KCNIP4: variants seen among roughly 807,000 people sequenced by gnomAD.
The protein encoded by KCNIP4 is Kv channel-interacting protein 4.
KCNIP4 carries 12 observed loss-of-function variants against 34.0 expected under a neutral mutation model. The ratio of observed to expected loss-of-function variants is 0.35; its 90% CI spans 0.23 to 0.57. KCNIP4 has a LOEUF of 0.57. Ranked by LOEUF, KCNIP4 falls within the 20% of genes least tolerant of loss-of-function variation. KCNIP4 has a pLI of 0.83. For missense variants in KCNIP4, 238 were observed against 311.7 expected (o/e 0.76, Z 1.78); for synonymous variants, 124 against 102.2 (o/e 1.21, Z -1.29).
chr4:20,955,349 G>A (rs1301286897), intron 1 of KCNIP4, among the ~76,000 whole-genome samples: 3 of 152,074 alleles, frequency 2.0e-5, no homozygotes, highest in Non-Finnish European at 4.4e-5. Context: ...GAGTACAGTG[G>A]GTCTCTACTT....
chr4:21,372,708 T>A lies in KCNIP4; in HGVS notation c.62-489999A>T, dbSNP rs976493595. Among the ~76,000 whole-genome samples the A allele has an allele frequency of 2.7e-5, 4 of 146,600 alleles. 1 individual carries two copies. In the East Asian group the frequency reaches 8.0e-4, roughly 29 times the overall value. On this transcript the variant is annotated intron_variant, in intron 1 of 8. Coordinates refer to ENST00000382152, the MANE Select transcript of KCNIP4 (RefSeq NM_025221.6). Reference sequence around the variant, plus strand: ...TGATGTTGAAAGGTATCTAGCAAATTCATGAAATCTCATCCTTTAATCCAA... The same window carrying A: ...TGATGTTGAAAGGTATCTAGCAAATACATGAAATCTCATCCTTTAATCCAA...
intron 1 of KCNIP4, among the ~76,000 whole-genome samples, chr4:21,133,805 A>G (rs1179961532): frequency 6.6e-6 from 1 of 152,014 alleles, no homozygotes; most frequent in Non-Finnish European, 1.5e-5. Context: ...TTGTTTTCTA[A>G]TTTTTACTCT....
intron 1 of KCNIP4, among the ~76,000 whole-genome samples, chr4:21,277,826 G>A (rs561454341): frequency 6.5e-4 from 99 of 152,144 alleles, no homozygotes; most frequent in Non-Finnish European, 1.2e-3. Context: ...GCACAAAACA[G>A]TGAAAGAAAA....
At chr4:21,766,020 G>A (rs945718707) in intron 1 of KCNIP4, among the ~76,000 whole-genome samples, 3 of 152,028 alleles carry the variant, frequency 2.0e-5, no homozygotes, top group African/African-American at 7.2e-5. Context: ...CAGTGGACCA[G>A]GATTGTAGAT....
chr4:21,142,165 A>C (rs1196906929), intron 1 of KCNIP4, among the ~76,000 whole-genome samples: 1 of 151,622 alleles, frequency 6.6e-6, no homozygotes, highest in Non-Finnish European at 1.5e-5. Flanking sequence ...AAAAAAAAAA[A>C]AAAACCCAAA....
chr4:21,213,597 C>T (rs763991378), intron 1 of KCNIP4, among the ~76,000 whole-genome samples: 18 of 152,066 alleles, frequency 1.2e-4, no homozygotes, highest in Non-Finnish European at 1.9e-4. Context: ...CCACCATGCA[C>T]GGCCGAAAGC....
At chr4:21,279,392 C>T (rs965007801) in intron 1 of KCNIP4, among the ~76,000 whole-genome samples, 22 of 151,588 alleles carry the variant, frequency 1.5e-4, no homozygotes, top group African/African-American at 5.1e-4. Context: ...TAATTAAAGT[C>T]AATATTAAAT....
intron 1 of KCNIP4, among the ~76,000 whole-genome samples, chr4:21,725,435 C>T (rs1324270172): frequency 6.6e-6 from 1 of 152,060 alleles, no homozygotes; most frequent in Non-Finnish European, 1.5e-5. Context: ...GGCAGCAAAA[C>T]GAAGTAAGGC....
intron 1 of KCNIP4, among the ~76,000 whole-genome samples, chr4:21,316,649 G>A (rs1713796670): frequency 6.6e-6 from 1 of 152,210 alleles, no homozygotes; most frequent in African/African-American, 2.4e-5. Context: ...GCTATGTTGA[G>A]AGTCAGTCTG....
In KCNIP4 at chr4:21,763,753, A is replaced by G. The variant is rs371282388; in HGVS notation, c.61+184818T>C. Among the ~76,000 whole-genome samples, 42 of 152,248 alleles carry G rather than the reference A, an allele frequency of 2.8e-4. 1 individual carries two copies. The South Asian group carries it at 6.4e-3, about 23-fold the overall frequency. The stretch of plus-strand genomic sequence containing the variant: ...ATGCTTCTTCCACTGTATATGCTAA[A>G]TTTTTCATTTCAGTCTTGTTATATA... On this transcript the variant is annotated intron_variant, in intron 1 of 8. Transcript: ENST00000382152.
At chr4:21,673,317 T>C (rs1277229024) in intron 1 of KCNIP4, among the ~76,000 whole-genome samples, 1 of 152,206 alleles carries the variant, frequency 6.6e-6, no homozygotes, top group Non-Finnish European at 1.5e-5. Flanking sequence ...TATTTTCCAT[T>C]ACATTCTTTA....
intron 1 of KCNIP4, among the ~76,000 whole-genome samples, chr4:21,090,901 A>C (rs1424204397): frequency 6.6e-6 from 1 of 152,240 alleles, no homozygotes; most frequent in Admixed American, 6.5e-5. Flanking sequence ...CAGAGCAAAA[A>C]CAGAACAATC....
intron 1 of KCNIP4, among the ~76,000 whole-genome samples, chr4:21,817,767 C>T (rs1175514192): frequency 6.6e-6 from 1 of 152,116 alleles, no homozygotes; most frequent in Non-Finnish European, 1.5e-5. Flanking sequence ...AAACTCTGCC[C>T]TGGTAATTTG....
At chr4:20,985,186 C>A (rs894248800) in intron 1 of KCNIP4, among the ~76,000 whole-genome samples, 3 of 152,180 alleles carry the variant, frequency 2.0e-5, no homozygotes, top group African/African-American at 7.2e-5. Flanking sequence ...AGTTCTGCTT[C>A]TTTCTTGCTA....
rs80251986 is a variant in KCNIP4, at chr4:21,045,994, G to A, written c.62-163285C>T. On this transcript the variant is annotated intron_variant, in intron 1 of 8. Coordinates refer to ENST00000382152, the MANE Select transcript of KCNIP4 (RefSeq NM_025221.6). ...GGTAGGTATTTAAATAGGAGAATGG[G>A]AAATTTTAATTTGATACGGTTGGCA... is the stretch of plus-strand genomic sequence containing the variant. 2.8e-3 allele frequency among the ~76,000 whole-genome samples: 419 copies of A among 152,220 alleles called. 2 individuals carry two copies. Among genetic ancestry groups the A allele is most frequent in the Middle Eastern group, 0.01 (3 of 294 alleles).
intron 5 of KCNIP4, among the ~76,000 whole-genome samples, chr4:20,744,105 A>C (rs1578481386): frequency 6.6e-6 from 1 of 152,200 alleles, no homozygotes; most frequent in East Asian, 1.9e-4. Flanking sequence ...TTAAGAAGTC[A>C]GGAAACAACA....
chr4:21,550,770 C>G (rs1473432952), intron 1 of KCNIP4, among the ~76,000 whole-genome samples: 2 of 151,968 alleles, frequency 1.3e-5, no homozygotes, highest in Non-Finnish European at 2.9e-5. Flanking sequence ...GATTATGAAT[C>G]TTGAAGAAAG....
chr4:21,241,143 CA>C lies in KCNIP4; in HGVS notation c.62-358435del, dbSNP rs545560833. Among the ~76,000 whole-genome samples, 925 of 146,400 alleles carry C rather than the reference CA, an allele frequency of 6.3e-3. 4 individuals carry two copies. Among genetic ancestry groups the C allele is most frequent in the South Asian group, 0.014 (64 of 4,604 alleles). ...TTGATGGTAGAGTTTGGTAAAAAGA[CA>C]AAAAAAAAGGAAAAAGAATTTTCTA... On this transcript the variant is annotated intron_variant, in intron 1 of 8. Transcript: ENST00000382152.
chr4:21,005,575 AT>A (rs1017620783), intron 1 of KCNIP4, among the ~76,000 whole-genome samples: 1 of 151,610 alleles, frequency 6.6e-6, no homozygotes, highest in African/African-American at 2.4e-5. Flanking sequence ...TCTATCTACC[AT>A]TTTTTTTTCT....
Sources: gnomAD v4.1 joint callset for allele counts (sites outside exome capture counted in the v4.1 genomes callset) on GRCh38, gnomAD v4.1.1 for gene constraint, MANE v1.5 for transcripts, NCBI Gene and HGNC (gene_info 2026-07-23, HGNC 2026-07-21) for gene names.